Variants in CRYL1 observed in about 807,000 individuals in gnomAD.
CRYL1 encodes crystallin lambda 1, also known as lambda-crystallin homolog.
In CRYL1, 29 loss-of-function variants were observed where a neutral mutation model predicts 36.6. The observed-to-expected ratio is 0.79, with a 90% CI of 0.59 to 1.08. The LOEUF is 1.08. CRYL1 is among the 50% of genes least tolerant of loss of function. CRYL1 has a pLI of 0.00. For missense variants in CRYL1, 411 were observed against 407.9 expected (o/e 1.01, Z -0.06); for synonymous variants, 152 against 151.5 (o/e 1.00, Z -0.02).
chr13:20,496,573 A>G (rs2033607842), intron 2 of CRYL1, among the ~76,000 whole-genome samples: 1 of 152,210 alleles, frequency 6.6e-6, no homozygotes, highest in Non-Finnish European at 1.5e-5. Context: ...TGCTCCCTCC[A>G]GAAACCTTAG....
At chr13:20,499,670 A>G (rs1428750183) in intron 2 of CRYL1, among the ~76,000 whole-genome samples, 2 of 152,160 alleles carry the variant, frequency 1.3e-5, no homozygotes, top group Non-Finnish European at 1.5e-5. Context: ...AAAAAAATGT[A>G]GGAAGCATTG....
chr13:20,465,854 A>G (rs968778970), intron 3 of CRYL1, among the ~76,000 whole-genome samples: 1 of 151,766 alleles, frequency 6.6e-6, no homozygotes, highest in African/African-American at 2.4e-5. Context: ...TGTTTGGGTC[A>G]TGGGGGTGGA....
At chr13:20,520,525 C>T (rs1015062917) in intron 1 of CRYL1, among the ~76,000 whole-genome samples, 4 of 152,160 alleles carry the variant, frequency 2.6e-5, no homozygotes, top group African/African-American at 7.2e-5. Flanking sequence ...GGGTAACCAT[C>T]GGCCAGGATT....
intron 5 of CRYL1, among the ~76,000 whole-genome samples, chr13:20,424,130 G>C (rs1215796614): frequency 6.6e-6 from 1 of 152,150 alleles, no homozygotes; most frequent in African/African-American, 2.4e-5. Context: ...CTTCCCTGTA[G>C]ATGAAAAATA....
At chr13:20,492,811 T>A (rs9552205) in intron 2 of CRYL1, among the ~76,000 whole-genome samples, 31,569 of 152,182 alleles carry the variant, frequency 0.21, 3,473 homozygotes, top group East Asian at 0.3. Flanking sequence ...GAGGATGATA[T>A]GCAATTTGCT....
chr13:20,511,239 G>A (rs765395107), intron 2 of CRYL1, among the ~76,000 whole-genome samples: 145 of 152,050 alleles, frequency 9.5e-4, no homozygotes, highest in Non-Finnish European at 1.1e-3. Flanking sequence ...CTAGGTGGGT[G>A]CCAACACATT....
intron 4 of CRYL1, among the ~76,000 whole-genome samples, chr13:20,439,302 CT>C (rs1565964628): frequency 6.6e-6 from 1 of 152,100 alleles, no homozygotes; most frequent in African/African-American, 2.4e-5. Context: ...AGTCCTCACT[CT>C]ATTCCGTTGC....
chr13:20,495,122 T>A (rs1258575452), intron 2 of CRYL1, among the ~76,000 whole-genome samples: 4 of 152,200 alleles, frequency 2.6e-5, no homozygotes, highest in Admixed American at 2.0e-4. Context: ...TAATTCCAAT[T>A]TTTTTTATTC....
intron 2 of CRYL1, among the ~76,000 whole-genome samples, chr13:20,504,302 C>CTTTTTTTTTTTTTTTT (rs757657892): frequency 1.7e-4 from 22 of 128,488 alleles, no homozygotes; most frequent in East Asian, 2.2e-4. Flanking sequence ...CTTTTCTTTT[C>CTTTTTTTTTTTTTTTT]TTTTTTTTTT....
At chr13:20,512,898 A>G (rs748671113) in intron 1 of CRYL1, among the ~76,000 whole-genome samples, 1 of 152,202 alleles carries the variant, frequency 6.6e-6, no homozygotes, top group Non-Finnish European at 1.5e-5. Flanking sequence ...GGGTAACTAG[A>G]GTTCACAACA....
intron 2 of CRYL1, among the ~76,000 whole-genome samples, chr13:20,489,700 T>C (rs2033472233): frequency 6.6e-6 from 1 of 152,162 alleles, no homozygotes; most frequent in Admixed American, 6.5e-5. Flanking sequence ...GCACTGCTGG[T>C]GAGACTGTAA....
intron 1 of CRYL1, among the ~76,000 whole-genome samples, chr13:20,521,639 A>G (rs1159274503): frequency 1.3e-5 from 2 of 152,184 alleles, no homozygotes; most frequent in Admixed American, 6.5e-5. Flanking sequence ...TTCTGAATTC[A>G]TGAATCTTAA....
chr13:20,405,750 T>C (rs958185389), intron 6 of CRYL1, among the ~76,000 whole-genome samples: 3 of 152,150 alleles, frequency 2.0e-5, no homozygotes, highest in African/African-American at 7.2e-5. Context: ...GGTGAAGAGA[T>C]GCAGGAAGAG....
chr13:20,447,614 G>A lies in CRYL1; in HGVS notation c.277-7860C>T, dbSNP rs532535610. Among the ~76,000 whole-genome samples, 16 of 152,214 alleles carry A rather than the reference G, an allele frequency of 1.1e-4. 1 individual carries two copies. The South Asian group carries it at 3.3e-3, about 32-fold the overall frequency. On this transcript the variant is annotated intron_variant, in intron 3 of 7. Transcript: ENST00000298248. Reference sequence around the variant, plus strand: ...GAGAACATGGAAAGAGATCCTCTATGAGGGAAGTGCAAAGGGAAAACTGAA... The same window carrying A: ...GAGAACATGGAAAGAGATCCTCTATAAGGGAAGTGCAAAGGGAAAACTGAA...
chr13:20,488,087 A>C (rs1593480343), intron 3 of CRYL1, among the ~76,000 whole-genome samples: 1 of 152,192 alleles, frequency 6.6e-6, no homozygotes, highest in African/African-American at 2.4e-5. Context: ...GGGCCAACAG[A>C]GTGACTCTGT....
At chr13:20,499,369 C>T (rs1157944619) in intron 2 of CRYL1, among the ~76,000 whole-genome samples, 1 of 140,182 alleles carries the variant, frequency 7.1e-6, no homozygotes, top group African/African-American at 2.6e-5. Context: ...AAAAATGTGG[C>T]CGGGCGCAGT....
At chr13:20,436,906 G>A (rs1302735122) in intron 4 of CRYL1, among the ~76,000 whole-genome samples, 1 of 108,082 alleles carries the variant, frequency 9.3e-6, no homozygotes, top group Admixed American at 1.1e-4. Flanking sequence ...TAGCTGGCCT[G>A]GGGGTGCTTC....
At chr13:20,468,997 G>A (rs906753538) in intron 3 of CRYL1, among the ~76,000 whole-genome samples, 1 of 152,156 alleles carries the variant, frequency 6.6e-6, no homozygotes. Flanking sequence ...GGTAAGAAGT[G>A]GAGAGTGTCG....
intron 3 of CRYL1, among the ~76,000 whole-genome samples, chr13:20,472,756 T>A (rs549635213): frequency 1.1e-4 from 16 of 152,272 alleles, no homozygotes; most frequent in South Asian, 4.1e-4. Flanking sequence ...AGGGTGGGGA[T>A]TCGCTCTGCT....
Sources: gnomAD v4.1 joint callset for allele counts (sites outside exome capture counted in the v4.1 genomes callset) on GRCh38, gnomAD v4.1.1 for gene constraint, MANE v1.5 for transcripts, NCBI Gene and HGNC (gene_info 2026-07-23, HGNC 2026-07-21) for gene names.